Variants in SNRPN observed in about 807,000 individuals in gnomAD.
The protein encoded by SNRPN is small nuclear ribonucleoprotein polypeptide N.
Under a neutral mutation model 25.2 loss-of-function variants are expected in SNRPN, and 7 were observed. That is an observed-to-expected ratio of 0.28 (90% CI 0.16 to 0.52). The LOEUF is 0.52. Ranked by LOEUF, SNRPN falls within the 20% of genes least tolerant of loss-of-function variation. The pLI, the probability that SNRPN is intolerant of heterozygous loss-of-function variation, is 0.96. For missense variants in SNRPN, 196 were observed against 322.5 expected, an observed-to-expected ratio of 0.61 and a Z score of 3.00; for synonymous variants, 124 against 110.6, an observed-to-expected ratio of 1.12 and a Z score of -0.76.
chr15:24,833,720 G>A (rs1036117404), intron 2 of SNRPN, among the ~76,000 whole-genome samples: 1 of 151,860 alleles, frequency 6.6e-6, no homozygotes, highest in African/African-American at 2.4e-5. Flanking sequence ...GCAGGAAGCA[G>A]ACATTAGGAG....
chr15:24,882,506 C>T lies in SNRPN; in HGVS notation c.-578-4010C>T, dbSNP rs556873794. 6.0e-3 allele frequency among the ~76,000 whole-genome samples: 911 copies of T among 152,154 alleles called. 4 individuals are homozygous for T. Among genetic ancestry groups the T allele is most frequent in the Non-Finnish European group, 0.011 (741 of 68,006 alleles). ...TCCTCGACTTACAATGGGGTTATGTCCCCAATAAACCCATCATAAATTGAA... is the reference window on the plus strand; with the variant it reads ...TCCTCGACTTACAATGGGGTTATGTTCCCAATAAACCCATCATAAATTGAA... On this transcript the variant is annotated intron_variant, in intron 1 of 11. Coordinates refer to the SNRPN transcript ENST00000400097.
chr15:24,870,709 C>T (rs886374054), intron 1 of SNRPN, among the ~76,000 whole-genome samples: 3 of 151,940 alleles, frequency 2.0e-5, no homozygotes, highest in African/African-American at 7.2e-5. Context: ...GTTCTTTCCC[C>T]CGCCTCCCAG....
chr15:24,827,409 A>G (rs1332247707), intron 1 of SNRPN, among the ~76,000 whole-genome samples: 1 of 150,798 alleles, frequency 6.6e-6, no homozygotes, highest in Non-Finnish European at 1.5e-5. Context: ...CAGCATACTC[A>G]GGAGGCTGAG....
At chr15:24,881,845 ATCG>A (rs1353158145) in intron 1 of SNRPN, among the ~76,000 whole-genome samples, 1 of 152,150 alleles carries the variant, frequency 6.6e-6, no homozygotes, top group Non-Finnish European at 1.5e-5. Context: ...TGTATGTATA[ATCG>A]TCAAGTCTTC....
chr15:24,977,978 T>G (rs955033772), intron 8 of SNRPN, 62 bp downstream of exon 8: 6 of 1,447,294 alleles, frequency 4.1e-6, no homozygotes, highest in Non-Finnish European at 5.6e-6. Context: ...CTTACTGATT[T>G]AAGACACAGC....
chr15:24,856,377 C>A (rs1433235243), upstream of SNRPN, among the ~76,000 whole-genome samples: 2 of 152,260 alleles, frequency 1.3e-5, no homozygotes, highest in African/African-American at 4.8e-5. Flanking sequence ...GATGTCAACA[C>A]TCCTCATTAG....
At position 24,958,349 on chromosome 15, in the gene SNRPN, T is replaced by G. The variant is rs190963811; in HGVS notation, c.-391+3287T>G. On this transcript the variant is annotated intron_variant, in intron 1 of 9. Transcript: ENST00000390687. ...CTCAATTACTTGGACAATGAAGTTT[T>G]AAAAATCTTATTTAGACCTGTCACT... 1.0e-3 allele frequency among the ~76,000 whole-genome samples: 154 copies of G among 151,382 alleles called. 2 individuals carry two copies. The highest frequency in any genetic ancestry group is 3.4e-3 in the African/African-American group (142 of 41,304).
rs375733239 is a variant in SNRPN at position 24,908,863 on chromosome 15, C to CT, written c.-504-11139dup. The CT allele has an allele frequency of 5.5e-3, 3,283 of 597,024 alleles. 7 individuals are homozygous for CT. Among genetic ancestry groups the CT allele is most frequent in the East Asian group, 6.9e-3 (236 of 34,320 alleles). The allele number at this position is 597,024 out of a possible 1,614,324, so 37.0% of individuals were successfully genotyped here. On this transcript the variant is annotated intron_variant, in intron 2 of 11. Coordinates refer to the SNRPN transcript ENST00000400097. ...AGCTTTTTAATCTTTTTTTCTTTTT[C>CT]TTTTTTTTTGCTGTCCATAAGTTTA...
chr15:24,964,968 G>T (rs1401061870), intron 2 of SNRPN, among the ~76,000 whole-genome samples: 1 of 152,164 alleles, frequency 6.6e-6, no homozygotes, highest in Non-Finnish European at 1.5e-5. Flanking sequence ...TGAGTTGGGG[G>T]AATGATCTGA....
intron 2 of SNRPN, among the ~76,000 whole-genome samples, chr15:24,895,692 AAGGTACTCT>A (rs151306508): frequency 3.7e-4 from 56 of 152,270 alleles, no homozygotes; most frequent in African/African-American, 1.3e-3. Context: ...TGCCGTTACA[AAGGTACTCT>A]CTTTGTGTTA....
At chr15:24,828,885 G>A (rs1019395374) in intron 1 of SNRPN, among the ~76,000 whole-genome samples, 2 of 152,068 alleles carry the variant, frequency 1.3e-5, no homozygotes, top group African/African-American at 4.8e-5. Context: ...TGATAGAGCA[G>A]CGTGGCCCAG....
intron 2 of SNRPN, among the ~76,000 whole-genome samples, chr15:24,899,655 G>A (rs1200443233): frequency 6.6e-6 from 1 of 152,154 alleles, no homozygotes; most frequent in African/African-American, 2.4e-5. Flanking sequence ...CTACCCTTAG[G>A]TGGTTTCTAG....
intron 3 of SNRPN, among the ~76,000 whole-genome samples, chr15:24,932,384 G>A (rs1007004754): frequency 2.0e-5 from 3 of 151,938 alleles, no homozygotes; most frequent in East Asian, 1.9e-4. Context: ...ACAGGTGCTC[G>A]CCACCACGAC....
At chr15:24,835,162 T>C (rs1157422724) in intron 2 of SNRPN, among the ~76,000 whole-genome samples, 2 of 15,934 alleles carry the variant, frequency 1.3e-4, no homozygotes, top group Non-Finnish European at 2.8e-4. Flanking sequence ...AAATATATAG[T>C]ATATATATGA....
intron 1 of SNRPN, among the ~76,000 whole-genome samples, chr15:24,883,347 C>T (rs756269138): frequency 3.3e-5 from 5 of 152,204 alleles, no homozygotes; most frequent in South Asian, 2.1e-4. Context: ...GCCAGAGCCT[C>T]GGGCTCACCC....
intron 3 of SNRPN, among the ~76,000 whole-genome samples, chr15:24,932,221 G>A (rs2060918876): frequency 1.3e-5 from 2 of 152,106 alleles, no homozygotes; most frequent in African/African-American, 4.8e-5. Flanking sequence ...TATAGGCCAG[G>A]GTTAAGACTG....
intron 3 of SNRPN, among the ~76,000 whole-genome samples, chr15:24,972,894 A>C (rs1410681631): frequency 6.8e-6 from 1 of 147,942 alleles, no homozygotes; most frequent in African/African-American, 2.5e-5. Context: ...CTTCCCCACC[A>C]CCCCCAACCC....
chr15:24,914,214 A>C (rs1342240521), intron 2 of SNRPN, among the ~76,000 whole-genome samples: 1 of 152,128 alleles, frequency 6.6e-6, no homozygotes, highest in Non-Finnish European at 1.5e-5. Context: ...TCAGCTCAAC[A>C]ATGCTTCCAG....
At chr15:24,859,995 A>G (rs1490251000) in intron 1 of SNRPN, among the ~76,000 whole-genome samples, 3 of 152,152 alleles carry the variant, frequency 2.0e-5, no homozygotes, top group African/African-American at 4.8e-5. Context: ...TATGACCTGT[A>G]TCTTGTGCCA....
Sources: allele counts gnomAD v4.1 joint callset (sites outside exome capture counted in the v4.1 genomes callset), GRCh38; gene constraint gnomAD v4.1.1; transcripts MANE v1.5; gene names NCBI Gene and HGNC (gene_info 2026-07-23, HGNC 2026-07-21).